CACNG3: variants seen among roughly 807,000 people sequenced by gnomAD.
CACNG3 encodes the protein calcium voltage-gated channel auxiliary subunit gamma 3.
A neutral mutation model predicts 28.5 loss-of-function variants in CACNG3; 3 were observed. The observed-to-expected ratio is 0.11, with a 90% CI of 0.05 to 0.27. CACNG3 has a LOEUF of 0.27. CACNG3 is among the 10% of genes least tolerant of loss of function. CACNG3 has a pLI of 1.00. For missense variants in CACNG3, 236 were observed against 414.4 expected (o/e 0.57, Z 3.74); for synonymous variants, 174 against 162.2 (o/e 1.07, Z -0.55).
chr16:24,332,683 T>G (rs2141374213), intron 1 of CACNG3, among the ~76,000 whole-genome samples: 1 of 152,232 alleles, frequency 6.6e-6, no homozygotes, highest in Admixed American at 6.5e-5. Flanking sequence ...CAAATCCCTG[T>G]GTGCGCAAGG....
chr16:24,271,916 C>T (rs1461451314), intron 1 of CACNG3, among the ~76,000 whole-genome samples: 1 of 152,082 alleles, frequency 6.6e-6, no homozygotes, highest in African/African-American at 2.4e-5. Flanking sequence ...GCCAAACACA[C>T]AAAAAGGCTT....
At chr16:24,330,240 C>T (rs556958920) in intron 1 of CACNG3, among the ~76,000 whole-genome samples, 20 of 152,266 alleles carry the variant, frequency 1.3e-4, no homozygotes, top group Middle Eastern at 3.4e-3. Context: ...GCTCTGCACT[C>T]GCAGCTGCAG....
chr16:24,346,771 C>T lies in CACNG3; in HGVS notation c.249C>T (p.Phe83=), dbSNP rs781463498. 7 of 1,614,148 alleles carry T rather than the reference C, an allele frequency of 4.3e-6. No individual in the cohort carries two copies. The South Asian group carries it at 7.7e-5, about 18-fold the overall frequency. Residue 83 remains phenylalanine, a synonymous_variant, in exon 2 of 4, where the codon TTC becomes TTT. Coordinates refer to ENST00000005284, the MANE Select transcript of CACNG3 (RefSeq NM_006539.4). Reference sequence around the variant, plus strand: ...GCGTGTGCAAGAAAATCGATCACTTCCCTGAAGATGCTGACTACGAACAGG... The same window carrying T: ...GCGTGTGCAAGAAAATCGATCACTTTCCTGAAGATGCTGACTACGAACAGG... The part of the protein sequence containing the change: ...FRGVCKKIDH[F]PEDADYEQDT...
rs141575948 is a variant in CACNG3, at chr16:24,300,666, T to C, written c.211+43701T>C. Among the ~76,000 whole-genome samples, 716 of 149,608 alleles carry C rather than the reference T, an allele frequency of 4.8e-3. 4 individuals carry two copies. Among genetic ancestry groups the C allele is most frequent in the African/African-American group, 0.016 (652 of 40,762 alleles). ...GACTGAGCATGGTGGCTCATGCCCG[T>C]AATCCCAGCACTTTGGGAGGCCAAG... On this transcript the variant is annotated intron_variant, in intron 1 of 3. Coordinates refer to ENST00000005284, the MANE Select transcript of CACNG3 (RefSeq NM_006539.4).
intron 1 of CACNG3, among the ~76,000 whole-genome samples, chr16:24,334,253 G>T (rs982266089): frequency 3.9e-5 from 6 of 152,176 alleles, no homozygotes; most frequent in Non-Finnish European, 8.8e-5. Flanking sequence ...GAATGTGGTT[G>T]CACTGGCTGG....
chr16:24,302,497 C>G (rs373924905), intron 1 of CACNG3, among the ~76,000 whole-genome samples: 62 of 152,046 alleles, frequency 4.1e-4, no homozygotes, highest in African/African-American at 1.4e-3. Context: ...CTCTGTTGCC[C>G]ATGCTGGAGT....
chr16:24,259,391 T>C (rs1173680018), intron 1 of CACNG3, among the ~76,000 whole-genome samples: 1 of 152,188 alleles, frequency 6.6e-6, no homozygotes, highest in East Asian at 1.9e-4. Context: ...GTAGCATCCA[T>C]CCCAGGCATT....
intron 1 of CACNG3, among the ~76,000 whole-genome samples, chr16:24,315,441 G>GCCTTCCTTCCTTCCTTCTTT (rs1567216711): frequency 4.0e-5 from 4 of 100,256 alleles, no homozygotes; most frequent in Admixed American, 3.8e-4. Flanking sequence ...CTCCCTCCCT[G>GCCTTCCTTCCTTCCTTCTTT]CCTTCCTTCC....
chr16:24,296,938 G>C (rs1363517625), intron 1 of CACNG3, among the ~76,000 whole-genome samples: 1 of 152,132 alleles, frequency 6.6e-6, no homozygotes, highest in Admixed American at 6.5e-5. Flanking sequence ...CTCAGTCCTG[G>C]CTGTGCAGGA....
chr16:24,258,404 A>G (rs1344081510), intron 1 of CACNG3, among the ~76,000 whole-genome samples: 1 of 152,220 alleles, frequency 6.6e-6, no homozygotes, highest in African/African-American at 2.4e-5. Flanking sequence ...GACCTGGGTA[A>G]TGCTGCAAAG....
chr16:24,343,586 G>A (rs920391965), intron 1 of CACNG3, among the ~76,000 whole-genome samples: 1 of 152,160 alleles, frequency 6.6e-6, no homozygotes, highest in Admixed American at 6.5e-5. Context: ...TCAATAGTAG[G>A]GGGTAGGCTA....
chr16:24,270,613 TAATAAGGTCTGGACCAAGGA>T (rs1482355506), intron 1 of CACNG3, among the ~76,000 whole-genome samples: 1 of 152,168 alleles, frequency 6.6e-6, no homozygotes, highest in African/African-American at 2.4e-5. Flanking sequence ...TTTCAAGAGA[TAATAAGGTCTGGACCAAGGA>T]AATCAGGTCT....
At chr16:24,317,654 A>C (rs1233304000) in intron 1 of CACNG3, among the ~76,000 whole-genome samples, 2 of 74,664 alleles carry the variant, frequency 2.7e-5, no homozygotes, top group East Asian at 8.2e-4. Flanking sequence ...AAAGAAAAGA[A>C]AGAAAGAAAG....
chr16:24,322,681 AC>A (rs950522215), intron 1 of CACNG3, among the ~76,000 whole-genome samples: 9 of 150,416 alleles, frequency 6.0e-5, no homozygotes, highest in African/African-American at 2.0e-4. Flanking sequence ...CTCAAATTCT[AC>A]CCCCTCCCCA....
chr16:24,345,452 G>A (rs1899849564), intron 1 of CACNG3, among the ~76,000 whole-genome samples: 1 of 152,198 alleles, frequency 6.6e-6, no homozygotes. Context: ...TGTAATCCCA[G>A]CACATTGGGA....
intron 1 of CACNG3, among the ~76,000 whole-genome samples, chr16:24,293,306 G>A (rs898494390): frequency 4.6e-5 from 7 of 152,140 alleles, no homozygotes; most frequent in Non-Finnish European, 8.8e-5. Flanking sequence ...CAGAAGGAGA[G>A]GATGGGTCTA....
At chr16:24,357,778 A>G (rs1225784413) in intron 3 of CACNG3, among the ~76,000 whole-genome samples, 1 of 152,246 alleles carries the variant, frequency 6.6e-6, no homozygotes, top group African/African-American at 2.4e-5. Flanking sequence ...TGGCCGATCC[A>G]GAGGATCAGT....
At chr16:24,339,976 ATAACT>A (rs1850857197) in intron 1 of CACNG3, among the ~76,000 whole-genome samples, 1 of 152,150 alleles carries the variant, frequency 6.6e-6, no homozygotes, top group Admixed American at 6.5e-5. Context: ...ATGGTTAACA[ATAACT>A]TAGTGTGGCC....
At chr16:24,341,852 C>T (rs1254847256) in intron 1 of CACNG3, among the ~76,000 whole-genome samples, 1 of 152,176 alleles carries the variant, frequency 6.6e-6, no homozygotes, top group African/African-American at 2.4e-5. Flanking sequence ...AAGAGGGCTG[C>T]TGATGTCAGC....
Sources: allele counts gnomAD v4.1 joint callset (sites outside exome capture counted in the v4.1 genomes callset), GRCh38; gene constraint gnomAD v4.1.1; transcripts MANE v1.5; gene names NCBI Gene and HGNC (gene_info 2026-07-23, HGNC 2026-07-21).